Variants in RCC1 observed in about 807,000 individuals in gnomAD.
RCC1 encodes regulator of chromosome condensation 1.
Under a neutral mutation model 44.4 loss-of-function variants are expected in RCC1, and 11 were observed. The observed-to-expected ratio is 0.25, with a 90% CI of 0.16 to 0.41. RCC1 has a LOEUF of 0.41. Among genes scored for constraint, RCC1 ranks in the 10% least tolerant of loss-of-function variants. The pLI is 1.00. For synonymous variants in RCC1, 213 were observed against 216.5 expected (o/e 0.98, Z 0.14); for missense variants, 386 against 547.1 (o/e 0.71, Z 2.94).
chr1:28,523,384 T>G (rs1339463550), intron 4 of RCC1, among the ~76,000 whole-genome samples: 1 of 152,182 alleles, frequency 6.6e-6, no homozygotes, highest in Non-Finnish European at 1.5e-5. Flanking sequence ...GTTCAGATCT[T>G]GGCCTTCTCT....
At chr1:28,535,479 G>C (rs190842863) in intron 9 of RCC1, 99 bp downstream of exon 9, 7 of 1,563,486 alleles carry the variant, frequency 4.5e-6, no homozygotes, top group Non-Finnish European at 6.1e-6. Context: ...GCTTGCATCA[G>C]ATGGGCTTGT....
chr1:28,509,094 C>T (rs369514330), intron 3 of RCC1, 189 bp downstream of exon 3: 6 of 353,606 alleles, frequency 1.7e-5, no homozygotes, highest in East Asian at 7.4e-5. Flanking sequence ...TAAGCCACCA[C>T]GCCCAGCCCT....
chr1:28,536,413 G>T lies in RCC1; in HGVS notation c.937+32G>T. 1.9e-6 allele frequency: 3 copies of T among 1,606,604 alleles called. No homozygotes were observed. The highest frequency in any genetic ancestry group is 2.5e-6 in the Non-Finnish European group (3 of 1,177,576). On this transcript the variant is annotated intron_variant, in intron 11 of 12. Transcript: ENST00000683442. The surrounding 1 kb of genome is among the most constrained non-coding windows in gnomAD (Gnocchi z 4.9). ...CCTTTACGTCCTTCTCTAGTTTGGGGGTGGAGTGTTCCCTGGCCTAGGCCT... is the reference window on the plus strand; with the variant it reads ...CCTTTACGTCCTTCTCTAGTTTGGGTGTGGAGTGTTCCCTGGCCTAGGCCT...
chr1:28,518,320 C>T (rs966508643), intron 4 of RCC1: 9 of 152,272 alleles, frequency 5.9e-5, no homozygotes, highest in Non-Finnish European at 8.8e-5. Context: ...TAGGTCTCGC[C>T]TGGGACGCGC....
At chr1:28,515,920 G>A (rs1228416991) in intron 3 of RCC1, among the ~76,000 whole-genome samples, 5 of 151,820 alleles carry the variant, frequency 3.3e-5, no homozygotes, top group Admixed American at 2.6e-4. Flanking sequence ...GGTGGCTCAC[G>A]CCTGTAATCC....
intron 7 of RCC1, among the ~76,000 whole-genome samples, chr1:28,533,682 A>G (rs1275257975): frequency 7.4e-6 from 1 of 134,608 alleles, no homozygotes; most frequent in Non-Finnish European, 1.6e-5. Context: ...AGGCAGGAGA[A>G]TTGTTTGAAC....
At position 28,535,396 on chromosome 1, in the gene RCC1, A is replaced by G; in HGVS notation, c.661+16A>G. The G allele has an allele frequency of 1.2e-6, 2 of 1,613,462 alleles. No individual in the cohort carries two copies. Among genetic ancestry groups the G allele is most frequent in the Non-Finnish European group, 1.7e-6 (2 of 1,179,740 alleles). ...CAAGGCCTCGGTAAGTGGCCTTGGT[A>G]CCTCCAGCAGGGCAAATTGGCAGGC... On this transcript the variant is annotated intron_variant, in intron 9 of 12. Coordinates refer to ENST00000683442, the MANE Select transcript of RCC1 (RefSeq NM_001381865.2).
intron 4 of RCC1, among the ~76,000 whole-genome samples, chr1:28,527,720 A>T (rs1663764321): frequency 6.6e-6 from 1 of 152,144 alleles, no homozygotes; most frequent in South Asian, 2.1e-4. Context: ...AAATTTTTTA[A>T]ATACATGTGG....
intron 5 of RCC1, chr1:28,530,711 C>A (rs935666873): frequency 1.1e-6 from 1 of 943,180 alleles, no homozygotes; most frequent in Non-Finnish European, 1.5e-6. Context: ...ATTGGCTGCC[C>A]GGGGCTGCGG....
chr1:28,522,260 G>A (rs539052369), intron 4 of RCC1, among the ~76,000 whole-genome samples: 8 of 152,164 alleles, frequency 5.3e-5, no homozygotes, highest in African/African-American at 9.7e-5. Context: ...ATGGGAAGGC[G>A]TTCCAGGTAA....
At chr1:28,511,695 T>C (rs1322473669) in intron 3 of RCC1, among the ~76,000 whole-genome samples, 4 of 150,236 alleles carry the variant, frequency 2.7e-5, no homozygotes, top group Non-Finnish European at 5.9e-5. Flanking sequence ...CTAATCTCAC[T>C]CTGTCTCCAG....
intron 4 of RCC1, among the ~76,000 whole-genome samples, chr1:28,519,463 T>C (rs2124626371): frequency 6.6e-6 from 1 of 152,312 alleles, no homozygotes; most frequent in East Asian, 1.9e-4. Flanking sequence ...GTTCTGTTCA[T>C]CGTTACAACT....
chr1:28,522,526 G>T (rs1209139838), intron 4 of RCC1, among the ~76,000 whole-genome samples: 1 of 151,986 alleles, frequency 6.6e-6, no homozygotes, highest in African/African-American at 2.4e-5. Context: ...TCATGAATGA[G>T]GCCGGGCATG....
At chr1:28,530,113 A>G (rs1369256847) in intron 5 of RCC1, among the ~76,000 whole-genome samples, 174 bp downstream of exon 5, 1 of 151,198 alleles carries the variant, frequency 6.6e-6, no homozygotes, top group African/African-American at 2.4e-5. Flanking sequence ...GGGAATCACA[A>G]AGTGGGCAGA....
At chr1:28,518,361 G>A (rs2124623128) in intron 4 of RCC1, 1 of 152,230 alleles carries the variant, frequency 6.6e-6, no homozygotes, top group South Asian at 2.1e-4. Context: ...GGTAAGCGGA[G>A]CGGCCACAGC....
At chr1:28,521,943 C>T (rs1663309846) in intron 4 of RCC1, among the ~76,000 whole-genome samples, 1 of 152,130 alleles carries the variant, frequency 6.6e-6, no homozygotes, top group Admixed American at 6.5e-5. Flanking sequence ...GAACTTAGGC[C>T]GATAAAGTTA....
In RCC1 at chr1:28,506,064, A is replaced by G. The variant is rs1557862658; in HGVS notation, c.-282A>G. The G allele has an allele frequency of 2.2e-6, 1 of 456,092 alleles. No individual in the cohort carries two copies. Among genetic ancestry groups the G allele is most frequent in the African/African-American group, 2.0e-5 (1 of 50,202 alleles). The allele number at this position is 456,092 out of a possible 1,614,324, so 28.3% of individuals were successfully genotyped here. A position where few individuals can be genotyped will look rare whatever the true frequency, so the allele number is the denominator to read the frequency against. The stretch of plus-strand genomic sequence containing the variant: ...CTCTCCTTTTTGGAGACAGATTCGC[A>G]GTGGTCGCTTCTTCTCCTTGGTAAG... On this transcript the variant is annotated 5_prime_UTR_variant, in exon 1 of 13. Transcript: ENST00000683442.
At chr1:28,529,604 T>C (rs903716201) in intron 4 of RCC1, among the ~76,000 whole-genome samples, 1 of 152,148 alleles carries the variant, frequency 6.6e-6, no homozygotes, top group Non-Finnish European at 1.5e-5. Flanking sequence ...ATATACCACA[T>C]ATTTAGTTCA....
At chr1:28,527,089 C>A in intron 4 of RCC1, 2 of 990,482 alleles carry the variant, frequency 2.0e-6, no homozygotes, top group East Asian at 4.9e-5. Flanking sequence ...TGACCGGAAC[C>A]AGACCACAAT....
Sources: allele counts gnomAD v4.1 joint callset (sites outside exome capture counted in the v4.1 genomes callset), GRCh38; gene constraint gnomAD v4.1.1; non-coding constraint Gnocchi (gnomAD v3.1); transcripts MANE v1.5; gene names NCBI Gene and HGNC (gene_info 2026-07-23, HGNC 2026-07-21).